SLC8A1: variants seen among roughly 807,000 people sequenced by gnomAD.
The protein encoded by SLC8A1 is sodium/calcium exchanger 1.
In SLC8A1, 18 loss-of-function variants were observed where a neutral mutation model predicts 68.3. The observed-to-expected ratio is 0.26, with a 90% CI of 0.18 to 0.39. The LOEUF is 0.39. SLC8A1 is among the 10% of genes least tolerant of loss of function. The pLI is 1.00. For synonymous variants in SLC8A1, 475 were observed against 415.5 expected, an observed-to-expected ratio of 1.14 and a Z score of -1.74; for missense variants, 985 against 1,156.7, an observed-to-expected ratio of 0.85 and a Z score of 2.15.
At chr2:40,142,574 G>A (rs1441929689) in intron 6 of SLC8A1, among the ~76,000 whole-genome samples, 2 of 152,230 alleles carry the variant, frequency 1.3e-5, no homozygotes, top group African/African-American at 2.4e-5. Context: ...TTAATTTGGG[G>A]CATCTAAATC....
chr2:40,115,641 G>T lies in SLC8A1; in HGVS notation c.2438-12C>A, dbSNP rs1217709018. ...GCTGGCAAATGTGTCTGCAGAGGAAGAAGAGAAAGTCAATGACACTCAATC... is the reference window on the plus strand; with the variant it reads ...GCTGGCAAATGTGTCTGCAGAGGAATAAGAGAAAGTCAATGACACTCAATC... On this transcript the variant is annotated splice_polypyrimidine_tract_variant and intron_variant, in intron 7 of 7. Coordinates refer to ENST00000406785, the Ensembl canonical transcript of SLC8A1. The T allele has an allele frequency of 6.3e-7, 1 of 1,599,302 alleles. No individual in the cohort carries two copies. The highest frequency in any genetic ancestry group is 1.1e-5 in the South Asian group (1 of 90,418).
intron 2 of SLC8A1, among the ~76,000 whole-genome samples, 168 bp downstream of exon 3, chr2:40,178,219 C>T (rs1038375211): frequency 2.0e-5 from 3 of 152,196 alleles, no homozygotes; most frequent in Non-Finnish European, 4.4e-5. Flanking sequence ...CTAACGCTGG[C>T]TGATGTAGCT....
At position 40,212,234 on chromosome 2, in the gene SLC8A1, G is replaced by A. The variant is rs561028086; in HGVS notation, c.1809-34379C>T. ...TTAAGTCATAGTTCCTCATTCTGGCGACTTATCTGTTACTTATTTCCAGGT... is the reference window on the plus strand; with the variant it reads ...TTAAGTCATAGTTCCTCATTCTGGCAACTTATCTGTTACTTATTTCCAGGT... On this transcript the variant is annotated intron_variant, in intron 2 of 7. Transcript: ENST00000406785. Among the ~76,000 whole-genome samples the A allele has an allele frequency of 5.2e-4, 78 of 149,558 alleles. 1 individual carries two copies. The highest frequency in any genetic ancestry group is 3.8e-3 in the South Asian group (18 of 4,758).
intron 2 of SLC8A1, among the ~76,000 whole-genome samples, chr2:40,315,911 G>A (rs1016133567): frequency 2.0e-5 from 3 of 151,988 alleles, no homozygotes; most frequent in Admixed American, 6.6e-5. Flanking sequence ...GTCATGAAAC[G>A]GACCTGGGCA....
chr2:40,259,105 C>A (rs531450584), intron 2 of SLC8A1, among the ~76,000 whole-genome samples: 1 of 152,262 alleles, frequency 6.6e-6, no homozygotes, highest in South Asian at 2.1e-4. Flanking sequence ...AGTCCATAGG[C>A]AGTCTCCAAC....
rs560396685 is a variant in SLC8A1 at position 40,287,457 on chromosome 2, A to G, written c.1809-109602T>C. ...CCCTGAATCATAGACTTCAGCATGC[A>G]AACTCATGATGTTCTATTGTTCCAA... On this transcript the variant is annotated intron_variant, in intron 2 of 7. Coordinates refer to ENST00000406785, the Ensembl canonical transcript of SLC8A1. Among the ~76,000 whole-genome samples the G allele has an allele frequency of 1.5e-4, 23 of 152,250 alleles. No homozygotes were observed. In the South Asian group the frequency reaches 4.8e-3, roughly 32 times the overall value.
intron 2 of SLC8A1, among the ~76,000 whole-genome samples, chr2:40,292,829 C>T (rs983549692): frequency 6.6e-6 from 1 of 152,152 alleles, no homozygotes; most frequent in East Asian, 1.9e-4. Flanking sequence ...AATTACGCTG[C>T]CTATTCTCTT....
chr2:40,308,601 T>C (rs987372603), intron 2 of SLC8A1, among the ~76,000 whole-genome samples: 7 of 152,014 alleles, frequency 4.6e-5, no homozygotes, highest in African/African-American at 1.5e-4. Flanking sequence ...ACCAATATCA[T>C]AGTGCTATAC....
chr2:40,169,130 CAG>C (rs1463206552), intron 4 of SLC8A1, among the ~76,000 whole-genome samples: 1 of 152,176 alleles, frequency 6.6e-6, no homozygotes, highest in East Asian at 1.9e-4. Context: ...TATTTTGAAG[CAG>C]AGTCAGTGTA....
intron 2 of SLC8A1, among the ~76,000 whole-genome samples, chr2:40,241,495 TA>T (rs2061218920): frequency 6.6e-6 from 1 of 152,196 alleles, no homozygotes; most frequent in Admixed American, 6.5e-5. Flanking sequence ...ATTTAAATAA[TA>T]AATTCCTTCC....
At chr2:40,196,542 T>C (rs1202245875) in intron 2 of SLC8A1, among the ~76,000 whole-genome samples, 1 of 151,948 alleles carries the variant, frequency 6.6e-6, no homozygotes, top group Non-Finnish European at 1.5e-5. Context: ...TCAGAGCCTC[T>C]GCATGCGTAG....
intron 2 of SLC8A1, among the ~76,000 whole-genome samples, chr2:40,199,645 C>T (rs1268097164): frequency 1.3e-5 from 2 of 151,754 alleles, no homozygotes; most frequent in East Asian, 3.9e-4. Flanking sequence ...ACAAGTTCTG[C>T]TATACTATTT....
intron 2 of SLC8A1, among the ~76,000 whole-genome samples, chr2:40,384,252 G>C (rs1021148914): frequency 6.6e-6 from 1 of 151,952 alleles, no homozygotes; most frequent in African/African-American, 2.4e-5. Context: ...GCAAGACCCT[G>C]TCTCTAAAAT....
chr2:40,342,796 T>C (rs1451057666), intron 2 of SLC8A1, among the ~76,000 whole-genome samples: 2 of 152,100 alleles, frequency 1.3e-5, no homozygotes, highest in Non-Finnish European at 2.9e-5. Flanking sequence ...ACCCAGAGAA[T>C]CTTGGTTGTT....
chr2:40,212,283 C>CTTT (rs11369856), intron 2 of SLC8A1, among the ~76,000 whole-genome samples: 2,031 of 136,798 alleles, frequency 0.015, 70 homozygotes, highest in African/African-American at 0.052. Flanking sequence ...GATGCAATAT[C>CTTT]TTTTTTTTTT....
At chr2:40,162,630 A>C (rs2045882314) in intron 5 of SLC8A1, among the ~76,000 whole-genome samples, 1 of 152,162 alleles carries the variant, frequency 6.6e-6, no homozygotes, top group African/African-American at 2.4e-5. Flanking sequence ...CTAGGACTTA[A>C]TTTTCATATG....
chr2:40,301,189 G>A (rs953783346), intron 2 of SLC8A1, among the ~76,000 whole-genome samples: 2 of 152,116 alleles, frequency 1.3e-5, no homozygotes, highest in African/African-American at 2.4e-5. Flanking sequence ...AATTCTATGT[G>A]CTGAGAATTT....
chr2:40,163,334 C>G lies in SLC8A1; in HGVS notation c.2061+1520G>C, dbSNP rs540242696. On this transcript the variant is annotated intron_variant, in intron 5 of 7. Transcript: ENST00000406785. Reference sequence around the variant, plus strand: ...TGGAAGGGGAAGGTCTGAGATCATCCCATAAGGGAGAGAACACACAATTCC... The same window carrying G: ...TGGAAGGGGAAGGTCTGAGATCATCGCATAAGGGAGAGAACACACAATTCC... Among the ~76,000 whole-genome samples the G allele has an allele frequency of 3.7e-4, 57 of 152,220 alleles. No individual in the cohort carries two copies. The South Asian group carries it at 7.1e-3, about 19-fold the overall frequency.
chr2:40,324,308 C>A (rs961053900), intron 2 of SLC8A1, among the ~76,000 whole-genome samples: 10 of 152,144 alleles, frequency 6.6e-5, no homozygotes, highest in African/African-American at 2.4e-4. Flanking sequence ...GAAACGCTCA[C>A]AAAAGTCAAG....
Sources: allele counts gnomAD v4.1 joint callset (sites outside exome capture counted in the v4.1 genomes callset), GRCh38; gene constraint gnomAD v4.1.1; transcripts MANE v1.5; gene names NCBI Gene and HGNC (gene_info 2026-07-23, HGNC 2026-07-21).